The following CCDC178 variants were observed in gnomAD, a reference collection of about 807,000 sequenced individuals.
The protein encoded by CCDC178 is coiled-coil domain containing 178, also known as coiled-coil domain-containing protein 178.
CCDC178 carries 126 observed loss-of-function variants against 117.4 expected under a neutral mutation model. That is an observed-to-expected ratio of 1.07 (90% confidence interval 0.93 to 1.24). The LOEUF (loss-of-function observed/expected upper bound fraction) is 1.24. CCDC178 is among the 50% of genes most tolerant of loss of function. The pLI, the probability that CCDC178 is intolerant of heterozygous loss-of-function variation, is 0.00. For missense variants in CCDC178, 1,030 were observed against 986.9 expected (o/e 1.04, Z -0.59); for synonymous variants, 283 against 313.4 (o/e 0.90, Z 1.02).
intron 5 of CCDC178, among the ~76,000 whole-genome samples, chr18:33,382,396 T>C (rs2063447759): frequency 6.6e-6 from 1 of 152,200 alleles, no homozygotes; most frequent in African/African-American, 2.4e-5. Context: ...GGAGCCAAGA[T>C]GGCTGAATAG....
chr18:32,976,881 C>T (rs1407567302), intron 21 of CCDC178, among the ~76,000 whole-genome samples: 1 of 152,094 alleles, frequency 6.6e-6, no homozygotes, highest in Non-Finnish European at 1.5e-5. Flanking sequence ...TCTTTATATA[C>T]TACCTAAATA....
intron 21 of CCDC178, among the ~76,000 whole-genome samples, chr18:33,090,507 A>AC (rs1379056141): frequency 8.5e-5 from 13 of 152,202 alleles, no homozygotes; most frequent in Non-Finnish European, 1.5e-4. Context: ...TACATGGGAA[A>AC]TGCTGCAATA....
At chr18:33,318,833 C>G (rs1306804679) in intron 11 of CCDC178, among the ~76,000 whole-genome samples, 1 of 152,006 alleles carries the variant, frequency 6.6e-6, no homozygotes, top group African/African-American at 2.4e-5. Context: ...GTCAAATGGT[C>G]AGCTTCCTTC....
intron 20 of CCDC178, among the ~76,000 whole-genome samples, chr18:33,097,787 A>G (rs749081786): frequency 2.0e-5 from 3 of 152,258 alleles, no homozygotes; most frequent in South Asian, 2.1e-4. Context: ...TGGTTAACAC[A>G]GCATTTTGAC....
chr18:33,168,923 T>G (rs2058565034), intron 20 of CCDC178, among the ~76,000 whole-genome samples: 1 of 152,214 alleles, frequency 6.6e-6, no homozygotes, highest in Non-Finnish European at 1.5e-5. Context: ...TTTATCAAAT[T>G]TCTCAGCCTA....
intron 14 of CCDC178, among the ~76,000 whole-genome samples, chr18:33,258,089 T>C (rs192981252): frequency 2.7e-5 from 4 of 149,942 alleles, no homozygotes; most frequent in Admixed American, 6.6e-5. Context: ...AATTATTATA[T>C]TTTTTTGAAT....
intron 2 of CCDC178, among the ~76,000 whole-genome samples, chr18:33,414,910 C>A (rs977002152): frequency 6.6e-6 from 1 of 152,148 alleles, no homozygotes. Flanking sequence ...AGACACTTCT[C>A]AAAAGAAGAC....
intron 20 of CCDC178, among the ~76,000 whole-genome samples, chr18:33,157,074 G>T (rs935295260): frequency 6.6e-6 from 1 of 151,946 alleles, no homozygotes; most frequent in Admixed American, 6.6e-5. Flanking sequence ...TACTTTCTTT[G>T]GTTTTAAACA....
intron 21 of CCDC178, among the ~76,000 whole-genome samples, chr18:33,044,602 T>G (rs188280418): frequency 3.9e-5 from 6 of 152,196 alleles, no homozygotes; most frequent in African/African-American, 1.4e-4. Context: ...ACAACCGTTA[T>G]GAAAAGCAGT....
At chr18:33,310,366 A>G (rs915084907) in intron 11 of CCDC178, among the ~76,000 whole-genome samples, 8 of 152,166 alleles carry the variant, frequency 5.3e-5, no homozygotes, top group African/African-American at 1.9e-4. Flanking sequence ...TAAAAGATAA[A>G]TTGTACATGG....
chr18:32,980,310 G>T (rs1300978035), intron 21 of CCDC178, among the ~76,000 whole-genome samples: 3 of 152,040 alleles, frequency 2.0e-5, no homozygotes, highest in Admixed American at 1.3e-4. Context: ...CCGGCCGGGC[G>T]CGGTGGCTCA....
chr18:33,396,045 CAT>C (rs1339850828), intron 4 of CCDC178, among the ~76,000 whole-genome samples: 4 of 151,930 alleles, frequency 2.6e-5, no homozygotes, highest in African/African-American at 9.7e-5. Flanking sequence ...AATTAGTTAA[CAT>C]ATGTGACTGA....
chr18:33,030,528 G>GACAGATAGATAGATAC (rs1555630259), intron 21 of CCDC178, among the ~76,000 whole-genome samples: 4,513 of 150,418 alleles, frequency 0.03, 167 homozygotes, highest in African/African-American at 0.085. Flanking sequence ...ATAGAAGATA[G>GACAGATAGATAGATAC]ATAGATAGAT....
chr18:33,406,202 A>G (rs1429708925), intron 3 of CCDC178, among the ~76,000 whole-genome samples: 2 of 152,120 alleles, frequency 1.3e-5, no homozygotes, highest in African/African-American at 4.8e-5. Context: ...AAACTTTATG[A>G]GTCTTATTTG....
At chr18:33,132,333 T>C (rs1264033583) in intron 20 of CCDC178, among the ~76,000 whole-genome samples, 1 of 151,744 alleles carries the variant, frequency 6.6e-6, no homozygotes, top group Non-Finnish European at 1.5e-5. Flanking sequence ...AAAGAATGTT[T>C]TCATGTAATC....
chr18:33,326,902 G>T (rs373169160), intron 10 of CCDC178, among the ~76,000 whole-genome samples: 1 of 152,006 alleles, frequency 6.6e-6, no homozygotes, highest in African/African-American at 2.4e-5. Flanking sequence ...TTAGCCCAAA[G>T]TATCAGTCCT....
rs1350985988 is a variant in CCDC178, at chr18:33,224,899, T to C, written c.1694A>G (p.Glu565Gly). Residue 565 changes from glutamate (E) to glycine (G), a missense_variant, in exon 17 of 23, where the codon GAG becomes GGG. Glu to Gly is a moderately conservative substitution (Grantham distance 98, BLOSUM62 -2). Transcript: ENST00000383096. Reference protein sequence around the residue: ...LYSIYEVQALERKELIKNRAI... With the variant: ...LYSIYEVQALGRKELIKNRAI... ...TCTATTTTTTATAAGCTCTTTCCGC[T>C]CAAGTGCCTGGACTTCGTAAATGGA... 6 of 1,551,310 alleles carry C rather than the reference T, an allele frequency of 3.9e-6. No homozygotes were observed. The highest frequency in any genetic ancestry group is 1.9e-5 in the Admixed American group (1 of 51,540).
chr18:33,183,791 A>G (rs271442), intron 20 of CCDC178, among the ~76,000 whole-genome samples: 1 of 150,512 alleles, frequency 6.6e-6, no homozygotes, highest in Admixed American at 6.6e-5. Context: ...TTCTCTAGTC[A>G]GTGGTTATTA....
At chr18:33,185,945 C>T (rs2058788539) in intron 20 of CCDC178, among the ~76,000 whole-genome samples, 1 of 151,952 alleles carries the variant, frequency 6.6e-6, no homozygotes, top group African/African-American at 2.4e-5. Context: ...CTACCACTAC[C>T]AACACCACCA....
Sources: allele counts gnomAD v4.1 joint callset (sites outside exome capture counted in the v4.1 genomes callset), GRCh38; gene constraint gnomAD v4.1.1; transcripts MANE v1.5; gene names NCBI Gene and HGNC (gene_info 2026-07-23, HGNC 2026-07-21).